Variants in SPIDR observed in about 807,000 individuals in gnomAD.
SPIDR encodes scaffold protein involved in DNA repair.
SPIDR carries 93 observed loss-of-function variants against 104.6 expected under a neutral mutation model. The ratio of observed to expected loss-of-function variants is 0.89; its 90% CI spans 0.75 to 1.06. The LOEUF (loss-of-function observed/expected upper bound fraction) is 1.06. Ranked by LOEUF, SPIDR falls within the 50% of genes least tolerant of loss-of-function variation. The pLI is 0.00. For missense variants in SPIDR, 1,154 were observed against 1,111.2 expected (o/e 1.04, Z -0.55); for synonymous variants, 431 against 416.9 (o/e 1.03, Z -0.41).
At chr8:47,606,789 G>A (rs558529746) in intron 10 of SPIDR, among the ~76,000 whole-genome samples, 2 of 152,214 alleles carry the variant, frequency 1.3e-5, no homozygotes, top group Non-Finnish European at 2.9e-5. Flanking sequence ...GGTGAATACA[G>A]CTCTTCTCCC....
At chr8:47,371,914 A>C (rs949513657) in intron 5 of SPIDR, among the ~76,000 whole-genome samples, 1 of 152,144 alleles carries the variant, frequency 6.6e-6, no homozygotes, top group African/African-American at 2.4e-5. Context: ...GTTCTGCCGT[A>C]TTGACTACAT....
intron 10 of SPIDR, among the ~76,000 whole-genome samples, chr8:47,649,733 A>G (rs549605443): frequency 6.6e-6 from 1 of 152,338 alleles, no homozygotes; most frequent in South Asian, 2.1e-4. Context: ...GGAAAAAAAC[A>G]TGATTTTTAC....
chr8:47,418,184 A>T (rs1381171793), intron 7 of SPIDR, among the ~76,000 whole-genome samples: 4 of 152,124 alleles, frequency 2.6e-5, no homozygotes, highest in African/African-American at 9.7e-5. Context: ...CTTGATGGGG[A>T]TAGCACTGAA....
intron 5 of SPIDR, among the ~76,000 whole-genome samples, chr8:47,346,957 G>A (rs1470892545): frequency 6.6e-6 from 1 of 152,038 alleles, no homozygotes; most frequent in Non-Finnish European, 1.5e-5. Context: ...GTCTCCTTCA[G>A]TTCTGCTCTG....
At chr8:47,461,357 G>A (rs782371503) in intron 8 of SPIDR, among the ~76,000 whole-genome samples, 4 of 152,138 alleles carry the variant, frequency 2.6e-5, no homozygotes, top group African/African-American at 4.8e-5. Flanking sequence ...ATGGAGTCTC[G>A]CTCTGTCACC....
At chr8:47,564,431 A>G (rs1200333477) in intron 8 of SPIDR, among the ~76,000 whole-genome samples, 2 of 152,148 alleles carry the variant, frequency 1.3e-5, no homozygotes, top group African/African-American at 2.4e-5. Context: ...TGTAATCCCA[A>G]CACTTTGGGA....
intron 5 of SPIDR, among the ~76,000 whole-genome samples, chr8:47,390,997 G>A (rs1379988391): frequency 1.3e-5 from 2 of 152,016 alleles, no homozygotes; most frequent in African/African-American, 4.8e-5. Context: ...GCACACACTT[G>A]TCTGTGCACA....
intron 16 of SPIDR, among the ~76,000 whole-genome samples, chr8:47,721,534 C>T (rs1244884797): frequency 1.3e-5 from 2 of 151,586 alleles, no homozygotes; most frequent in East Asian, 1.9e-4. Context: ...TGCAGTGGCA[C>T]GATCTTGGCT....
chr8:47,602,881 C>A (rs939735461), intron 10 of SPIDR, among the ~76,000 whole-genome samples: 1 of 152,184 alleles, frequency 6.6e-6, no homozygotes, highest in South Asian at 2.1e-4. Flanking sequence ...ATGTTAGAGT[C>A]CCCTGTCCAT....
Position 47,712,922 on chromosome 8 carries a change from C to T in SPIDR, c.2188+50C>T, listed in dbSNP as rs754021530. 2.5e-6 allele frequency: 4 copies of T among 1,607,412 alleles called. No homozygotes were observed. In the Admixed American group the frequency reaches 6.7e-5, roughly 27 times the overall value. On this transcript the variant is annotated intron_variant, in intron 15 of 19. Transcript: ENST00000297423. Reference sequence around the variant, plus strand: ...GATGCAGGGGCGACTGATCCGTGCCCATAGAATACCTCTTGTGGCCTCTGG... The same window carrying T: ...GATGCAGGGGCGACTGATCCGTGCCTATAGAATACCTCTTGTGGCCTCTGG...
At chr8:47,347,909 C>T (rs781905014) in intron 5 of SPIDR, among the ~76,000 whole-genome samples, 1 of 151,962 alleles carries the variant, frequency 6.6e-6, no homozygotes, top group Non-Finnish European at 1.5e-5. Flanking sequence ...CCAATTTGCT[C>T]GTCTGTGTCT....
Position 47,712,775 on chromosome 8 carries a change from T to A in SPIDR, c.2091T>A (p.Tyr697Ter). The stretch of plus-strand genomic sequence containing the variant: ...GGCTCCCCAAAACCCTGCTGGTCTA[T>A]GTGGCCCCCTTGTGTGTGCTGGGCT... ...DPRLPKTLLV[Y>*]VAPLCVLGSE... The change falls in exon 15 of 20, where the codon TAT (tyrosine) becomes TAA (stop). Residue 697 changes from tyrosine (Y) to a stop codon, truncating the protein, a stop_gained. Transcript: ENST00000297423. LOFTEE classifies it high-confidence loss of function. 1 of 1,614,150 alleles carries A rather than the reference T, an allele frequency of 6.2e-7. No individual in the cohort carries two copies. Among genetic ancestry groups the A allele is most frequent in the Non-Finnish European group, 8.5e-7 (1 of 1,180,026 alleles).
intron 10 of SPIDR, among the ~76,000 whole-genome samples, chr8:47,634,309 A>G (rs2067545737): frequency 6.6e-6 from 1 of 151,864 alleles, no homozygotes; most frequent in Admixed American, 6.6e-5. Flanking sequence ...AAAATTAGCC[A>G]GGCATGGTGG....
chr8:47,570,027 A>G (rs188915837), intron 8 of SPIDR, among the ~76,000 whole-genome samples: 240 of 152,356 alleles, frequency 1.6e-3, no homozygotes, highest in African/African-American at 5.5e-3. Flanking sequence ...TAGATTCAAC[A>G]TGATTCCTAT....
intron 5 of SPIDR, among the ~76,000 whole-genome samples, chr8:47,325,867 A>C (rs1029787460): frequency 1.3e-5 from 2 of 152,170 alleles, no homozygotes; most frequent in Non-Finnish European, 2.9e-5. Context: ...CCTAAGCACT[A>C]TTTTAGGGGA....
At chr8:47,603,446 T>G (rs1334052557) in intron 10 of SPIDR, among the ~76,000 whole-genome samples, 1 of 152,108 alleles carries the variant, frequency 6.6e-6, no homozygotes, top group Non-Finnish European at 1.5e-5. Flanking sequence ...TAGGCTGGAG[T>G]GCAGTGGAGC....
intron 5 of SPIDR, among the ~76,000 whole-genome samples, chr8:47,375,777 T>C (rs943822994): frequency 6.6e-6 from 1 of 152,178 alleles, no homozygotes; most frequent in Admixed American, 6.5e-5. Flanking sequence ...TCAGTTTCTT[T>C]TAATACAGTT....
At chr8:47,565,992 ATTTTTTTTTTT>A (rs768002878) in intron 8 of SPIDR, among the ~76,000 whole-genome samples, 15 of 14,944 alleles carry the variant, frequency 1.0e-3, no homozygotes, top group African/African-American at 2.5e-3. Flanking sequence ...ATATATATAT[ATTTTTTTTTTT>A]TTTTTTTTTT....
intron 11 of SPIDR, among the ~76,000 whole-genome samples, chr8:47,684,597 A>G (rs530223033): frequency 6.6e-6 from 1 of 152,248 alleles, no homozygotes; most frequent in Non-Finnish European, 1.5e-5. Context: ...TCATAGAAGT[A>G]CCTTGTGCAA....
Sources: allele counts gnomAD v4.1 joint callset (sites outside exome capture counted in the v4.1 genomes callset), GRCh38; gene constraint gnomAD v4.1.1; transcripts MANE v1.5; gene names NCBI Gene and HGNC (gene_info 2026-07-23, HGNC 2026-07-21).